The following WDFY3 variants were observed in gnomAD, a reference collection of about 807,000 sequenced individuals.
WDFY3 encodes the protein WD repeat and FYVE domain-containing protein 3.
Under a neutral mutation model 409.6 loss-of-function variants are expected in WDFY3, and 66 were observed. The observed-to-expected ratio is 0.16, with a 90% CI of 0.13 to 0.20. The LOEUF is 0.20. Ranked by LOEUF, WDFY3 falls within the 10% of genes least tolerant of loss-of-function variation. The pLI is 1.00. For synonymous variants in WDFY3, 1,521 were observed against 1,537.1 expected, an observed-to-expected ratio of 0.99 and a Z score of 0.25; for missense variants, 3,031 against 4,298.1, an observed-to-expected ratio of 0.71 and a Z score of 8.24.
In WDFY3 at chr4:84,682,398, C is replaced by T. The variant is rs753703694; in HGVS notation, c.9799G>A (p.Glu3267Lys). The change falls in exon 64 of 68, where the codon GAA (glutamate) becomes AAA (lysine). Residue 3267 changes from glutamate to lysine, a missense_variant. Glu to Lys is a moderately conservative substitution (Grantham distance 56). Transcript: ENST00000295888. ...PEPAEVLEMQ[E>K]DCPEAQIGQE... ...CCTATTTGTGCTTCTGGACAGTCTT[C>T]CTGCATTTCTAGGACTTCAGCAGGC... 8 of 1,613,936 alleles carry T rather than the reference C, an allele frequency of 5.0e-6. No individual in the cohort carries two copies. In the South Asian group the frequency reaches 5.5e-5, roughly 11 times the overall value.
chr4:84,721,271 A>T, intron 47 of WDFY3, 138 bp downstream of exon 47: 1 of 1,162,340 alleles, frequency 8.6e-7, no homozygotes, highest in Non-Finnish European at 1.2e-6. Flanking sequence ...TAGAGTACTG[A>T]ACCCAAAAGG....
At chr4:84,824,884 G>A (rs1249190031) in intron 10 of WDFY3, among the ~76,000 whole-genome samples, 1 of 152,068 alleles carries the variant, frequency 6.6e-6, no homozygotes, top group African/African-American at 2.4e-5. Flanking sequence ...AGTTATACAG[G>A]AAACTCAAAA....
intron 3 of WDFY3, among the ~76,000 whole-genome samples, chr4:84,881,130 G>T (rs1451472965): frequency 6.6e-6 from 1 of 151,962 alleles, no homozygotes; most frequent in Non-Finnish European, 1.5e-5. Flanking sequence ...CCTTGTTCAA[G>T]ATTTGTAATT....
chr4:84,698,256 C>T (rs963948669), intron 56 of WDFY3, among the ~76,000 whole-genome samples: 1 of 150,418 alleles, frequency 6.6e-6, no homozygotes, highest in Non-Finnish European at 1.5e-5. Context: ...TGCAGGAAAG[C>T]CTTTGTCTAA....
chr4:84,711,887 A>G (rs1193932663), intron 51 of WDFY3, among the ~76,000 whole-genome samples: 4 of 152,006 alleles, frequency 2.6e-5, no homozygotes, highest in Admixed American at 1.3e-4. Context: ...AAAGTTAGCA[A>G]GTATCTATTG....
At chr4:84,740,495 T>C in intron 38 of WDFY3, 79 bp from the exon 39 acceptor site, 1 of 1,358,432 alleles carries the variant, frequency 7.4e-7, no homozygotes, top group Non-Finnish European at 1.0e-6. Context: ...TGAACTTTTA[T>C]TAGGTCTATT....
At chr4:84,711,121 T>C (rs1336539613) in intron 51 of WDFY3, among the ~76,000 whole-genome samples, 5 of 152,230 alleles carry the variant, frequency 3.3e-5, no homozygotes, top group Non-Finnish European at 5.9e-5. Flanking sequence ...CCCAAAGCAC[T>C]GCTTCTTTCC....
intron 24 of WDFY3, 34 bp downstream of exon 24, chr4:84,785,945 C>G: frequency 6.2e-7 from 1 of 1,608,232 alleles, no homozygotes. Flanking sequence ...CAGTGAGAAT[C>G]AGCCATAGTA....
chr4:84,703,645 G>C (rs968576035), intron 55 of WDFY3, among the ~76,000 whole-genome samples: 5 of 152,088 alleles, frequency 3.3e-5, no homozygotes. Context: ...CCTGGAACAC[G>C]TATCTCCAGA....
intron 42 of WDFY3, among the ~76,000 whole-genome samples, chr4:84,735,945 C>T (rs1359627338): frequency 6.6e-6 from 1 of 152,130 alleles, no homozygotes; most frequent in South Asian, 2.1e-4. Flanking sequence ...ACATTAATCT[C>T]TAAATCTCAT....
In WDFY3 at chr4:84,810,085, G is replaced by T; in HGVS notation, c.2147C>A (p.Ala716Glu). The T allele has an allele frequency of 6.2e-7, 1 of 1,614,140 alleles. No individual in the cohort carries two copies. Among genetic ancestry groups the T allele is most frequent in the Non-Finnish European group, 8.5e-7 (1 of 1,180,006 alleles). The change falls in exon 14 of 68, where the codon GCA becomes GAA. Residue 716 changes from alanine (A) to glutamate (E), a missense_variant. By Grantham distance (107) the Ala-to-Glu change is moderately radical. Coordinates refer to ENST00000295888, the MANE Select transcript of WDFY3 (RefSeq NM_014991.6). ...FKTEIQYEKLADAVRFLGCFS... is the reference protein window; with the variant it reads ...FKTEIQYEKLEDAVRFLGCFS... Reference sequence around the variant, plus strand: ...GCAGCCAAGAAATCGAACAGCATCTGCCAACTTCTCATACTGAATCTCTGT... The same window carrying T: ...GCAGCCAAGAAATCGAACAGCATCTTCCAACTTCTCATACTGAATCTCTGT...
At chr4:84,921,133 T>C (rs1045708568) in intron 2 of WDFY3, among the ~76,000 whole-genome samples, 7 of 152,168 alleles carry the variant, frequency 4.6e-5, no homozygotes, top group African/African-American at 1.4e-4. Flanking sequence ...CAAAAATTAC[T>C]GCCCAGAGAT....
At chr4:84,749,613 C>A (rs1403318745) in intron 36 of WDFY3, among the ~76,000 whole-genome samples, 1 of 152,154 alleles carries the variant, frequency 6.6e-6, no homozygotes, top group Non-Finnish European at 1.5e-5. Flanking sequence ...TGTTACACAT[C>A]ATTTTGCTTA....
chr4:84,853,544 C>T (rs957933011), intron 4 of WDFY3, among the ~76,000 whole-genome samples: 3 of 152,052 alleles, frequency 2.0e-5, no homozygotes, highest in African/African-American at 7.2e-5. Context: ...GTATATTTTG[C>T]TCCTAAGAAT....
intron 8 of WDFY3, among the ~76,000 whole-genome samples, 170 bp downstream of exon 8, chr4:84,831,243 C>T (rs1755686532): frequency 6.7e-6 from 1 of 149,368 alleles, no homozygotes; most frequent in Non-Finnish European, 1.5e-5. Context: ...GAATGTTTTA[C>T]ATTTGAAATG....
chr4:84,905,755 C>T (rs1332629159), intron 2 of WDFY3, among the ~76,000 whole-genome samples: 2 of 152,058 alleles, frequency 1.3e-5, no homozygotes, highest in South Asian at 2.1e-4. Flanking sequence ...ATATCTGATC[C>T]CTTTCTACCT....
At chr4:84,759,762 T>G (rs879779100) in intron 32 of WDFY3, among the ~76,000 whole-genome samples, 6 of 151,932 alleles carry the variant, frequency 3.9e-5, no homozygotes, top group Admixed American at 2.0e-4. Context: ...AGGGACAATT[T>G]GACTTCCTCT....
intron 59 of WDFY3, 133 bp from the exon 60 acceptor site, chr4:84,691,918 G>T: frequency 1.1e-6 from 1 of 906,506 alleles, no homozygotes; most frequent in Non-Finnish European, 1.6e-6. Context: ...AATGATCTCT[G>T]AAATAGAGCT....
intron 36 of WDFY3, among the ~76,000 whole-genome samples, chr4:84,745,080 A>G (rs1232105352): frequency 6.6e-6 from 1 of 151,938 alleles, no homozygotes; most frequent in Non-Finnish European, 1.5e-5. Context: ...GCACAAAGTT[A>G]AACTGTAGTC....
Sources: allele counts gnomAD v4.1 joint callset (sites outside exome capture counted in the v4.1 genomes callset), GRCh38; gene constraint gnomAD v4.1.1; transcripts MANE v1.5; gene names NCBI Gene and HGNC (gene_info 2026-07-23, HGNC 2026-07-21).